Variants in XYLT1 observed in about 807,000 individuals in gnomAD.
XYLT1 encodes beta-D-xylosyltransferase 1.
A neutral mutation model predicts 91.3 loss-of-function variants in XYLT1; 36 were observed. The observed-to-expected ratio is 0.39, with a 90% CI of 0.30 to 0.52. The LOEUF is 0.52. Among genes scored for constraint, XYLT1 ranks in the 20% least tolerant of loss-of-function variants. The pLI, the probability that XYLT1 is intolerant of heterozygous loss-of-function variation, is 0.68. For synonymous variants in XYLT1, 588 were observed against 532.0 expected (o/e 1.11, Z -1.45); for missense variants, 1,242 against 1,284.5 (o/e 0.97, Z 0.51).
intron 2 of XYLT1, among the ~76,000 whole-genome samples, chr16:17,330,104 T>TACACACACACACACACAC (rs35148093): frequency 0.019 from 2,705 of 144,512 alleles, 52 homozygotes; most frequent in Admixed American, 0.02. Context: ...TGGAGGTAGA[T>TACACACACACACACACAC]ACACACACAC....
chr16:17,195,274 C>G (rs1304101534), intron 5 of XYLT1, among the ~76,000 whole-genome samples: 1 of 152,118 alleles, frequency 6.6e-6, no homozygotes, highest in African/African-American at 2.4e-5. Context: ...AGTGCCACTG[C>G]TAGGAATCCC....
chr16:17,449,420 G>T (rs2036636420), intron 1 of XYLT1, among the ~76,000 whole-genome samples: 1 of 152,260 alleles, frequency 6.6e-6, no homozygotes, highest in Non-Finnish European at 1.5e-5. Context: ...GGGCTGCGGG[G>T]ACGGGGCAGG....
At chr16:17,256,654 A>G (rs1371694455) in intron 3 of XYLT1, among the ~76,000 whole-genome samples, 1 of 151,740 alleles carries the variant, frequency 6.6e-6, no homozygotes, top group East Asian at 1.9e-4. Context: ...GTCTCGAAAA[A>G]AAAAACAAAA....
At chr16:17,467,153 T>C (rs1378795735) in intron 1 of XYLT1, among the ~76,000 whole-genome samples, 4 of 152,178 alleles carry the variant, frequency 2.6e-5, no homozygotes, top group East Asian at 1.9e-4. Flanking sequence ...TGTGCTTATG[T>C]AGGGCGGCAG....
chr16:17,267,655 C>T lies in XYLT1; in HGVS notation c.403-8157G>A, dbSNP rs188840291. Reference sequence around the variant, plus strand: ...CAATCTCCTGACCTCATGATCCGCCCGCCTCAGCCTCCCAAAGTGCTGGGA... The same window carrying T: ...CAATCTCCTGACCTCATGATCCGCCTGCCTCAGCCTCCCAAAGTGCTGGGA... On this transcript the variant is annotated intron_variant, in intron 2 of 11. Transcript: ENST00000261381. Among the ~76,000 whole-genome samples the T allele has an allele frequency of 2.7e-3, 410 of 152,214 alleles. 1 individual carries two copies. The highest frequency in any genetic ancestry group is 8.9e-3 in the African/African-American group (371 of 41,552).
chr16:17,274,255 A>G (rs969859808), intron 2 of XYLT1, among the ~76,000 whole-genome samples: 1 of 152,190 alleles, frequency 6.6e-6, no homozygotes, highest in African/African-American at 2.4e-5. Flanking sequence ...TTTCTTCTTC[A>G]TACTATTTTA....
chr16:17,248,673 T>C (rs1180214448), intron 3 of XYLT1, among the ~76,000 whole-genome samples: 1 of 151,976 alleles, frequency 6.6e-6, no homozygotes, highest in Non-Finnish European at 1.5e-5. Context: ...TTCACCACCC[T>C]TCATCTCTTA....
chr16:17,335,383 C>T (rs888628501), intron 2 of XYLT1, among the ~76,000 whole-genome samples: 8 of 152,012 alleles, frequency 5.3e-5, no homozygotes, highest in African/African-American at 1.7e-4. Context: ...TGCAGAAGAG[C>T]GCAGCCCAGA....
chr16:17,302,875 G>A (rs1176279048), intron 2 of XYLT1, among the ~76,000 whole-genome samples: 3 of 151,030 alleles, frequency 2.0e-5, no homozygotes, highest in African/African-American at 7.4e-5. Flanking sequence ...GGAAGGGGTT[G>A]ACCTTGGGTC....
At chr16:17,420,838 T>C (rs1023472220) in intron 1 of XYLT1, among the ~76,000 whole-genome samples, 1 of 152,204 alleles carries the variant, frequency 6.6e-6, no homozygotes, top group Non-Finnish European at 1.5e-5. Flanking sequence ...CACCTTACTG[T>C]CTGAATCTGT....
chr16:17,202,509 A>G (rs2032561520), intron 3 of XYLT1, among the ~76,000 whole-genome samples: 1 of 152,020 alleles, frequency 6.6e-6, no homozygotes, highest in Non-Finnish European at 1.5e-5. Context: ...CTCTTCCTCA[A>G]ACAAGCTCAT....
At chr16:17,316,120 C>G (rs141143203) in intron 2 of XYLT1, among the ~76,000 whole-genome samples, 1 of 152,190 alleles carries the variant, frequency 6.6e-6, no homozygotes, top group African/African-American at 2.4e-5. Flanking sequence ...CTCCCCGAAG[C>G]GCACAGCTTT....
intron 1 of XYLT1, among the ~76,000 whole-genome samples, chr16:17,456,533 G>A (rs564650216): frequency 1.3e-5 from 2 of 151,816 alleles, no homozygotes; most frequent in African/African-American, 2.4e-5. Flanking sequence ...TAAAGACGAG[G>A]TCCCACTATG....
intron 2 of XYLT1, among the ~76,000 whole-genome samples, chr16:17,332,715 G>C (rs1169053153): frequency 6.6e-6 from 1 of 151,996 alleles, no homozygotes; most frequent in Non-Finnish European, 1.5e-5. Context: ...GGTGGACACT[G>C]GTCAGTTTTG....
intron 5 of XYLT1, among the ~76,000 whole-genome samples, chr16:17,192,092 CTTTTTT>C (rs550488299): frequency 7.9e-6 from 1 of 126,802 alleles, no homozygotes; most frequent in Admixed American, 8.1e-5. Context: ...CTCTCTCTCT[CTTTTTT>C]TTTTTTTTTT....
At chr16:17,197,616 A>G (rs2032455495) in intron 5 of XYLT1, among the ~76,000 whole-genome samples, 1 of 152,176 alleles carries the variant, frequency 6.6e-6, no homozygotes, top group African/African-American at 2.4e-5. Context: ...ATCAGCTGCC[A>G]GCGTGGCCAG....
At chr16:17,155,351 C>G (rs2141536977) in intron 6 of XYLT1, among the ~76,000 whole-genome samples, 1 of 150,982 alleles carries the variant, frequency 6.6e-6, no homozygotes, top group East Asian at 2.0e-4. Context: ...AATAGAGAGT[C>G]TGGGCCTGAT....
intron 2 of XYLT1, among the ~76,000 whole-genome samples, chr16:17,329,198 T>C (rs771069861): frequency 6.6e-6 from 1 of 152,188 alleles, no homozygotes; most frequent in Non-Finnish European, 1.5e-5. Flanking sequence ...CAAAAACAGA[T>C]GGCTGGCAGC....
intron 1 of XYLT1, among the ~76,000 whole-genome samples, chr16:17,384,443 G>A (rs982487023): frequency 2.6e-5 from 4 of 151,792 alleles, no homozygotes; most frequent in African/African-American, 9.7e-5. Flanking sequence ...TATATATTTT[G>A]TTTTGAACTG....
Sources: gnomAD v4.1 joint callset for allele counts (sites outside exome capture counted in the v4.1 genomes callset) on GRCh38, gnomAD v4.1.1 for gene constraint, MANE v1.5 for transcripts, NCBI Gene and HGNC (gene_info 2026-07-23, HGNC 2026-07-21) for gene names.